The following SYN2 variants were observed in gnomAD, a reference collection of about 807,000 sequenced individuals.
SYN2 encodes synapsin-2.
SYN2 carries 19 observed loss-of-function variants against 50.9 expected under a neutral mutation model. That is an observed-to-expected ratio of 0.37 (90% confidence interval 0.26 to 0.55). SYN2 has a LOEUF of 0.55. Among genes scored for constraint, SYN2 ranks in the 20% least tolerant of loss-of-function variants. SYN2 has a pLI of 0.81. For synonymous variants in SYN2, 255 were observed against 224.9 expected, an observed-to-expected ratio of 1.13 and a Z score of -1.20; for missense variants, 587 against 576.4, an observed-to-expected ratio of 1.02 and a Z score of -0.19.
intron 10 of SYN2, among the ~76,000 whole-genome samples, chr3:12,176,653 C>CT (rs1186413161): frequency 6.6e-6 from 1 of 152,206 alleles, no homozygotes; most frequent in East Asian, 1.9e-4. Context: ...AGGACAAACT[C>CT]TAACTCCGAT....
chr3:12,056,304 G>T (rs1415988014), intron 1 of SYN2, among the ~76,000 whole-genome samples: 5 of 152,094 alleles, frequency 3.3e-5, no homozygotes, highest in African/African-American at 7.2e-5. Context: ...TCAAGACTGG[G>T]ACTGGGTATT....
At chr3:12,070,317 C>T in intron 1 of SYN2, 1 of 502,988 alleles carries the variant, frequency 2.0e-6, no homozygotes, top group South Asian at 1.6e-5. Flanking sequence ...GAGCCGTGTT[C>T]CCCTCCATCC....
At chr3:12,161,380 A>G (rs1697644743) in intron 5 of SYN2, among the ~76,000 whole-genome samples, 166 bp from the exon 6 acceptor site, 1 of 152,220 alleles carries the variant, frequency 6.6e-6, no homozygotes, top group Non-Finnish European at 1.5e-5. Context: ...GACCCTGGGA[A>G]CTCACTGTCA....
At chr3:12,020,030 G>A (rs551233371) in intron 1 of SYN2, among the ~76,000 whole-genome samples, 12 of 152,254 alleles carry the variant, frequency 7.9e-5, no homozygotes, top group Non-Finnish European at 1.3e-4. Flanking sequence ...GACAGATGTT[G>A]CGTAGGTTGG....
intron 1 of SYN2, among the ~76,000 whole-genome samples, chr3:12,014,410 C>T (rs1456200360): frequency 6.6e-6 from 1 of 152,190 alleles, no homozygotes; most frequent in Non-Finnish European, 1.5e-5. Flanking sequence ...AATGCTTTCA[C>T]TCTTATGTCC....
At chr3:12,042,902 TG>T (rs1391181036) in intron 1 of SYN2, among the ~76,000 whole-genome samples, 3 of 152,138 alleles carry the variant, frequency 2.0e-5, no homozygotes, top group Non-Finnish European at 4.4e-5. Context: ...AGGCAAGGAT[TG>T]GATGGGCCCT....
rs185754004 is a variant in SYN2 at position 12,191,327 on chromosome 3, C to T, written c.*702C>T. The T allele has an allele frequency of 1.0e-3, 274 of 265,218 alleles. 1 individual carries two copies. The highest frequency in any genetic ancestry group is 6.0e-3 in the African/African-American group (260 of 43,592). 16.4% of individuals were successfully genotyped at this position (265,218 alleles called of 1,614,324 possible). A position where few individuals can be genotyped will look rare whatever the true frequency, so the allele number is the denominator to read the frequency against. ...TAGAGGAGAATGCATGCCACTATGACAGCAGTATGCCAAGCTTTGTGTTCA... is the reference window on the plus strand; with the variant it reads ...TAGAGGAGAATGCATGCCACTATGATAGCAGTATGCCAAGCTTTGTGTTCA... On this transcript the variant is annotated 3_prime_UTR_variant, in exon 13 of 13. Transcript: ENST00000621198.
chr3:12,034,007 T>C (rs1694439732), intron 1 of SYN2, among the ~76,000 whole-genome samples: 1 of 152,232 alleles, frequency 6.6e-6, no homozygotes, highest in African/African-American at 2.4e-5. Flanking sequence ...GTACAAGTTG[T>C]TGTGTGAACA....
intron 11 of SYN2, among the ~76,000 whole-genome samples, chr3:12,187,116 G>A (rs369909264): frequency 1.3e-5 from 2 of 152,128 alleles, no homozygotes; most frequent in Admixed American, 1.3e-4. Flanking sequence ...GGGGCCGCTC[G>A]TCCCTGGTTC....
At chr3:12,161,497 G>A in intron 5 of SYN2, 49 bp from the exon 6 acceptor site, 2 of 1,605,496 alleles carry the variant, frequency 1.2e-6, no homozygotes, top group Non-Finnish European at 1.7e-6. Flanking sequence ...GGATTCCACG[G>A]AGAGATGGGC....
At chr3:12,153,624 C>A in intron 5 of SYN2, 1 of 1,614,170 alleles carries the variant, frequency 6.2e-7, no homozygotes, top group Non-Finnish European at 8.5e-7. Flanking sequence ...AGCCTGGTAA[C>A]CATAGAGCTT....
chr3:12,079,340 T>C (rs1267617168), intron 1 of SYN2, among the ~76,000 whole-genome samples: 1 of 152,188 alleles, frequency 6.6e-6, no homozygotes, highest in Non-Finnish European at 1.5e-5. Flanking sequence ...AATATTATGT[T>C]GAATAGGAGT....
chr3:12,135,882 A>G (rs1021695173), intron 1 of SYN2, among the ~76,000 whole-genome samples: 2 of 152,256 alleles, frequency 1.3e-5, no homozygotes, highest in African/African-American at 4.8e-5. Context: ...ATTTATGGAT[A>G]TAATGATTAT....
At chr3:12,070,396 G>A (rs1574922404) in intron 1 of SYN2, 5 of 531,654 alleles carry the variant, frequency 9.4e-6, no homozygotes, top group Non-Finnish European at 1.5e-5. Context: ...GGGTGATGAG[G>A]CCCAGAGCAA....
chr3:12,164,723 G>A (rs955542727), intron 7 of SYN2, among the ~76,000 whole-genome samples: 3 of 152,176 alleles, frequency 2.0e-5, no homozygotes, highest in African/African-American at 7.2e-5. Context: ...GCCCCAGGTA[G>A]CCTGTATGGA....
At chr3:12,062,180 T>C (rs953318516) in intron 1 of SYN2, among the ~76,000 whole-genome samples, 2 of 152,044 alleles carry the variant, frequency 1.3e-5, no homozygotes, top group African/African-American at 4.8e-5. Context: ...ACAATAGATC[T>C]ATTTCAATCA....
intron 1 of SYN2, among the ~76,000 whole-genome samples, chr3:12,134,507 A>G (rs527579039): frequency 7.8e-4 from 119 of 152,236 alleles, no homozygotes; most frequent in Admixed American, 2.4e-3. Flanking sequence ...CTTCCTTCCT[A>G]TGTGGCTAAT....
chr3:12,183,416 G>A, intron 11 of SYN2, 44 bp downstream of exon 11: 1 of 1,612,296 alleles, frequency 6.2e-7, no homozygotes, highest in South Asian at 1.1e-5. Context: ...TTGCAGTAGG[G>A]CCAAAACAAG....
At chr3:12,158,550 C>A in intron 5 of SYN2, 2 of 1,160,066 alleles carry the variant, frequency 1.7e-6, no homozygotes, top group Non-Finnish European at 2.4e-6. Flanking sequence ...TGCTATGGCG[C>A]CTGGTCCTTC....
Sources: gnomAD v4.1 joint callset for allele counts (sites outside exome capture counted in the v4.1 genomes callset) on GRCh38, gnomAD v4.1.1 for gene constraint, MANE v1.5 for transcripts, NCBI Gene and HGNC (gene_info 2026-07-23, HGNC 2026-07-21) for gene names.